The following ATXN1 variants were observed in gnomAD, a reference collection of about 807,000 sequenced individuals.
ATXN1 encodes ataxin 1, also known as ataxin-1.
In ATXN1, 8 loss-of-function variants were observed where a neutral mutation model predicts 56.4. That is an observed-to-expected ratio of 0.14 (90% CI 0.08 to 0.26). The LOEUF (loss-of-function observed/expected upper bound fraction) is 0.26, where lower values mean the gene tolerates loss of function less well. Among genes scored for constraint, ATXN1 ranks in the 10% least tolerant of loss-of-function variants. The pLI is 1.00. For missense variants in ATXN1, 987 were observed against 1,106.5 expected (o/e 0.89, Z 1.53); for synonymous variants, 514 against 494.6 (o/e 1.04, Z -0.52).
chr6:16,515,870 A>T (rs1337129394), intron 5 of ATXN1, among the ~76,000 whole-genome samples: 86 of 152,322 alleles, frequency 5.6e-4, no homozygotes, highest in African/African-American at 2.0e-3. Context: ...TCATGGAAGC[A>T]TCCCAGACAG....
intron 6 of ATXN1, among the ~76,000 whole-genome samples, chr6:16,330,223 C>T (rs953230782): frequency 4.6e-5 from 7 of 151,854 alleles, no homozygotes; most frequent in Non-Finnish European, 1.0e-4. Context: ...GCCAATGATC[C>T]GATTTTAAAA....
chr6:16,696,744 C>T (rs1759173739), intron 2 of ATXN1, among the ~76,000 whole-genome samples: 1 of 152,136 alleles, frequency 6.6e-6, no homozygotes, highest in African/African-American at 2.4e-5. Context: ...TCCTTTTTGA[C>T]CTACTGGTTA....
chr6:16,489,662 G>A (rs1760620407), intron 5 of ATXN1, among the ~76,000 whole-genome samples: 1 of 152,058 alleles, frequency 6.6e-6, no homozygotes, highest in Non-Finnish European at 1.5e-5. Flanking sequence ...ATCAGAAATG[G>A]CTGGAGAAGG....
Position 16,559,722 on chromosome 6 carries a change from A to G in ATXN1, c.-361+26058T>C, listed in dbSNP as rs16878453. Among the ~76,000 whole-genome samples, 753 of 152,304 alleles carry G rather than the reference A, an allele frequency of 4.9e-3. 16 individuals are homozygous for G. Among genetic ancestry groups the G allele is most frequent in the Admixed American group, 0.032 (492 of 15,300 alleles). ...TGTACATCTATCGTACCTTCTGTATATCTAGCAATTCAAAACAATATTAAT... is the reference window on the plus strand; with the variant it reads ...TGTACATCTATCGTACCTTCTGTATGTCTAGCAATTCAAAACAATATTAAT... On this transcript the variant is annotated intron_variant, in intron 4 of 7. Transcript: ENST00000436367.
chr6:16,336,429 C>T (rs1761124889), intron 6 of ATXN1, among the ~76,000 whole-genome samples: 1 of 152,160 alleles, frequency 6.6e-6, no homozygotes, highest in Non-Finnish European at 1.5e-5. Flanking sequence ...AAGGAAGAGA[C>T]TGATCAGTGA....
chr6:16,341,722 T>A (rs569138368), intron 6 of ATXN1, among the ~76,000 whole-genome samples: 1 of 151,686 alleles, frequency 6.6e-6, no homozygotes, highest in African/African-American at 2.4e-5. Context: ...GGTTTCACCG[T>A]GTTAGCCAGG....
At chr6:16,435,669 G>T (rs1028703268) in intron 6 of ATXN1, among the ~76,000 whole-genome samples, 2 of 152,038 alleles carry the variant, frequency 1.3e-5, no homozygotes, top group African/African-American at 4.8e-5. Context: ...GGGGTGGACC[G>T]CAGGGGAAAA....
At chr6:16,666,920 C>G (rs1758441005) in intron 2 of ATXN1, 1 of 152,034 alleles carries the variant, frequency 6.6e-6, no homozygotes, top group Admixed American at 6.6e-5. Flanking sequence ...TCAGAAAGAC[C>G]TTTTTCATGA....
intron 2 of ATXN1, among the ~76,000 whole-genome samples, chr6:16,660,832 G>T (rs866618650): frequency 0.014 from 1,307 of 93,082 alleles, 34 homozygotes; most frequent in African/African-American, 0.052. Context: ...TTTTGTTTTG[G>T]TTTTTTTTTT....
intron 5 of ATXN1, among the ~76,000 whole-genome samples, chr6:16,493,079 A>C (rs73366779): frequency 0.012 from 1,813 of 152,230 alleles, 22 homozygotes; most frequent in African/African-American, 0.04. Context: ...TCTTCTTGTC[A>C]ATGCTTTCTC....
At chr6:16,401,936 C>T (rs1758582474) in intron 6 of ATXN1, among the ~76,000 whole-genome samples, 2 of 152,238 alleles carry the variant, frequency 1.3e-5, no homozygotes, top group Non-Finnish European at 2.9e-5. Flanking sequence ...CTGAGGAAGC[C>T]TCTCAATCAT....
chr6:16,581,140 G>A (rs1446331609), intron 4 of ATXN1, among the ~76,000 whole-genome samples: 1 of 151,910 alleles, frequency 6.6e-6, no homozygotes, highest in African/African-American at 2.4e-5. Flanking sequence ...GCTGAGGGGC[G>A]GGGTGGGTTA....
Position 16,326,324 on chromosome 6 carries a change from G to A in ATXN1, c.1917+70C>T, listed in dbSNP as rs530664239. ...TAATCCTGCCTCATAGAAGCAATTC[G>A]TCTTGCCAGGAGATGATGATGGCAT... is the stretch of plus-strand genomic sequence containing the variant. On this transcript the variant is annotated intron_variant, in intron 7 of 7. Coordinates refer to ENST00000436367, the MANE Select transcript of ATXN1 (RefSeq NM_001128164.2). This position sits in a 1 kb window ranked among gnomAD's most constrained non-coding sequence, Gnocchi z 6.6. 20 of 1,581,394 alleles carry A rather than the reference G, an allele frequency of 1.3e-5. No homozygotes were observed. Among genetic ancestry groups the A allele is most frequent in the South Asian group, 4.6e-5 (4 of 87,788 alleles).
intron 1 of ATXN1, among the ~76,000 whole-genome samples, chr6:16,757,587 C>T (rs946485687): frequency 5.9e-5 from 9 of 152,168 alleles, no homozygotes; most frequent in African/African-American, 2.2e-4. Flanking sequence ...AACTCATAAA[C>T]CCCCTGGGAA....
chr6:16,409,237 C>T (rs1269126794), intron 6 of ATXN1, among the ~76,000 whole-genome samples: 2 of 152,044 alleles, frequency 1.3e-5, no homozygotes, highest in South Asian at 2.1e-4. Context: ...GAGATGGTTA[C>T]CCCGAGAAGC....
chr6:16,376,683 A>G (rs1368516452), intron 6 of ATXN1, among the ~76,000 whole-genome samples: 1 of 152,252 alleles, frequency 6.6e-6, no homozygotes, highest in Non-Finnish European at 1.5e-5. Flanking sequence ...TTATTTCAGG[A>G]GAATCGAGAA....
chr6:16,409,781 GC>G (rs1427644744), intron 6 of ATXN1, among the ~76,000 whole-genome samples: 1 of 151,064 alleles, frequency 6.6e-6, no homozygotes, highest in Non-Finnish European at 1.5e-5. Flanking sequence ...GCTCTTCTTT[GC>G]CCCCCACCCC....
Position 16,326,680 on chromosome 6 carries a change from T to A in ATXN1, c.1631A>T (p.Tyr544Phe). The change falls in exon 7 of 8, where the codon TAC becomes TTC. Residue 544 changes from tyrosine (Y) to phenylalanine (F), a missense_variant. Physicochemically the swap from Tyr to Phe is conservative, Grantham distance 22. Around this residue, in one of 3 missense-constraint regions of ATXN1, gnomAD observed 723 missense variants for 791.7 expected, o/e 0.91. Transcript: ENST00000436367. This position sits in a 1 kb window ranked among gnomAD's most constrained non-coding sequence, Gnocchi z 6.6. ...GATCTGGGCCTGCACCATGGCTGGG[T>A]AGGCGGCCTGGGTGACCAGGGCCTC... ...NPEALVTQAA[Y>F]PAMVQAQIHL... 1.2e-6 allele frequency: 2 copies of A among 1,612,902 alleles called. No individual in the cohort carries two copies. Among genetic ancestry groups the A allele is most frequent in the Non-Finnish European group, 1.7e-6 (2 of 1,179,964 alleles).
At chr6:16,435,120 C>G (rs546617472) in intron 6 of ATXN1, among the ~76,000 whole-genome samples, 1 of 152,232 alleles carries the variant, frequency 6.6e-6, no homozygotes, top group South Asian at 2.1e-4. Context: ...TAGATGATGC[C>G]AATGGCTGAG....
Sources: gnomAD v4.1 joint callset for allele counts (sites outside exome capture counted in the v4.1 genomes callset) on GRCh38, gnomAD v4.1.1 for gene constraint, gnomAD v4.1.1 regional missense constraint, Gnocchi (gnomAD v3.1) non-coding constraint, MANE v1.5 for transcripts, NCBI Gene and HGNC (gene_info 2026-07-23, HGNC 2026-07-21) for gene names.